The following PARD3 variants were observed in gnomAD, a reference collection of about 807,000 sequenced individuals.
The protein encoded by PARD3 is par-3 family cell polarity regulator.
Under a neutral mutation model 155.4 loss-of-function variants are expected in PARD3, and 75 were observed. The observed-to-expected ratio is 0.48, with a 90% CI of 0.40 to 0.58. The LOEUF (loss-of-function observed/expected upper bound fraction) is 0.58, where lower values mean the gene tolerates loss of function less well. Ranked by LOEUF, PARD3 falls within the 20% of genes least tolerant of loss-of-function variation. PARD3 has a pLI of 0.00. For synonymous variants in PARD3, 576 were observed against 610.5 expected, an observed-to-expected ratio of 0.94 and a Z score of 0.83; for missense variants, 1,642 against 1,721.7, an observed-to-expected ratio of 0.95 and a Z score of 0.82.
intron 3 of PARD3, among the ~76,000 whole-genome samples, chr10:34,492,940 T>C (rs1038651531): frequency 2.0e-5 from 3 of 152,232 alleles, no homozygotes; most frequent in Admixed American, 6.5e-5. Flanking sequence ...GATTGGAAAA[T>C]GAGGGAATGA....
chr10:34,741,174 AT>A lies in PARD3; in HGVS notation c.121-44756del, dbSNP rs71033345. ...CAACTGCTGTGTTTTCGTAAACCAA[AT>A]TTTTTTTTTTTTTTTTTTTGTTTGA... is the stretch of plus-strand genomic sequence containing the variant. On this transcript the variant is annotated intron_variant, in intron 1 of 24. Coordinates refer to ENST00000374788, the MANE Select transcript of PARD3 (RefSeq NM_001184785.2). Among the ~76,000 whole-genome samples the A allele has an allele frequency of 5.2e-3, 591 of 114,286 alleles. 2 individuals are homozygous for A. The highest frequency in any genetic ancestry group is 6.9e-3 in the Admixed American group (62 of 8,998). 75.0% of individuals were successfully genotyped at this position (114,286 alleles called of 152,430 possible).
At chr10:34,345,959 C>A (rs1189266889) in intron 15 of PARD3, 1 of 982,608 alleles carries the variant, frequency 1.0e-6, no homozygotes, top group African/African-American at 1.8e-5. Context: ...TTTAGAATCC[C>A]TAGTTTCCGT....
At chr10:34,624,476 A>G (rs2091880007) in intron 2 of PARD3, among the ~76,000 whole-genome samples, 1 of 152,242 alleles carries the variant, frequency 6.6e-6, no homozygotes, top group Non-Finnish European at 1.5e-5. Flanking sequence ...TCATGTACCC[A>G]GAGCAGAAAC....
intron 13 of PARD3, among the ~76,000 whole-genome samples, chr10:34,359,617 AC>A (rs745871280): frequency 6.6e-6 from 1 of 152,180 alleles, no homozygotes; most frequent in Non-Finnish European, 1.5e-5. Flanking sequence ...TTCCAGAAAC[AC>A]CCATAGAGGT....
At chr10:34,674,217 A>G (rs2093660393) in intron 2 of PARD3, among the ~76,000 whole-genome samples, 1 of 152,188 alleles carries the variant, frequency 6.6e-6, no homozygotes, top group South Asian at 2.1e-4. Flanking sequence ...ACCTCTCCAC[A>G]AGACATCCCC....
chr10:34,579,566 G>GTGTGTGTGTGTGTGTGTGTGTA (rs1564374288), intron 2 of PARD3, among the ~76,000 whole-genome samples: 2 of 135,496 alleles, frequency 1.5e-5, no homozygotes, highest in Admixed American at 7.3e-5. Flanking sequence ...GTGTGTGTGT[G>GTGTGTGTGTGTGTGTGTGTGTA]TGTGTGTGTG....
chr10:34,358,068 G>A (rs1305856185), intron 14 of PARD3, among the ~76,000 whole-genome samples: 1 of 152,002 alleles, frequency 6.6e-6, no homozygotes, highest in Non-Finnish European at 1.5e-5. Context: ...TAGTTGATTT[G>A]ATCTTAAAAT....
chr10:34,413,783 A>C (rs1410412271), intron 5 of PARD3, among the ~76,000 whole-genome samples: 1 of 152,172 alleles, frequency 6.6e-6, no homozygotes, highest in Non-Finnish European at 1.5e-5. Context: ...GGAAAGGGGG[A>C]ACAAGTTGAT....
intron 1 of PARD3, among the ~76,000 whole-genome samples, chr10:34,775,505 T>C (rs1839417993): frequency 1.3e-5 from 2 of 151,940 alleles, no homozygotes. Context: ...CAAGACCCTA[T>C]CTCAAAAAAC....
At chr10:34,566,717 T>C (rs368130707) in intron 2 of PARD3, among the ~76,000 whole-genome samples, 2 of 152,230 alleles carry the variant, frequency 1.3e-5, no homozygotes, top group Non-Finnish European at 2.9e-5. Flanking sequence ...CATAGTCTTA[T>C]AGAGTTCTAT....
intron 2 of PARD3, among the ~76,000 whole-genome samples, chr10:34,549,508 T>C (rs2084366297): frequency 6.6e-6 from 1 of 152,166 alleles, no homozygotes; most frequent in African/African-American, 2.4e-5. Flanking sequence ...TTTGTTTGTT[T>C]TGGCTGCTGA....
intron 20 of PARD3, among the ~76,000 whole-genome samples, chr10:34,296,988 C>T (rs941057387): frequency 1.1e-4 from 16 of 152,214 alleles, no homozygotes; most frequent in African/African-American, 3.9e-4. Flanking sequence ...TAAAAAGACA[C>T]CTAGGTCACT....
intron 1 of PARD3, among the ~76,000 whole-genome samples, chr10:34,724,363 T>C (rs1257070131): frequency 2.0e-5 from 3 of 152,334 alleles, no homozygotes; most frequent in Non-Finnish European, 2.9e-5. Flanking sequence ...GTGGTGAAGA[T>C]AGCACTGTAA....
intron 1 of PARD3, among the ~76,000 whole-genome samples, chr10:34,731,000 C>T (rs186313452): frequency 1.3e-5 from 2 of 152,138 alleles, no homozygotes; most frequent in Admixed American, 6.6e-5. Context: ...ACATTGTGCC[C>T]CAAACTTAAG....
intron 1 of PARD3, among the ~76,000 whole-genome samples, chr10:34,713,223 A>C (rs1406914844): frequency 1.3e-5 from 2 of 151,610 alleles, no homozygotes; most frequent in African/African-American, 4.8e-5. Context: ...AAAATAAATT[A>C]ATTAATTAAT....
At chr10:34,351,135 C>T (rs933547038) in intron 14 of PARD3, among the ~76,000 whole-genome samples, 1 of 152,176 alleles carries the variant, frequency 6.6e-6, no homozygotes. Context: ...ATGTATCCCA[C>T]TATCTCCACT....
At chr10:34,369,554 T>A (rs1055350622) in intron 12 of PARD3, among the ~76,000 whole-genome samples, 7 of 152,160 alleles carry the variant, frequency 4.6e-5, no homozygotes, top group African/African-American at 1.7e-4. Context: ...ACTGCAACGT[T>A]ATAAGCAATG....
chr10:34,344,365 C>T (rs865950374), intron 15 of PARD3: 9 of 809,054 alleles, frequency 1.1e-5, no homozygotes, highest in Admixed American at 1.3e-4. Flanking sequence ...TCAATGCAAG[C>T]TCTGCCTCCT....
chr10:34,236,564 G>T (rs1227829514), intron 22 of PARD3, among the ~76,000 whole-genome samples: 3 of 151,994 alleles, frequency 2.0e-5, no homozygotes, highest in African/African-American at 4.8e-5. Context: ...CGCTACTGTT[G>T]TTTTTCCTGT....
Sources: allele counts gnomAD v4.1 joint callset (sites outside exome capture counted in the v4.1 genomes callset), GRCh38; gene constraint gnomAD v4.1.1; transcripts MANE v1.5; gene names NCBI Gene and HGNC (gene_info 2026-07-23, HGNC 2026-07-21).